Variants in FHOD3 observed in about 807,000 individuals in gnomAD.
FHOD3 encodes the protein formin homology 2 domain containing 3, also known as FH1/FH2 domain-containing protein 3.
In FHOD3, 90 loss-of-function variants were observed where a neutral mutation model predicts 173.0. That is an observed-to-expected ratio of 0.52 (90% CI 0.44 to 0.62). The LOEUF (loss-of-function observed/expected upper bound fraction) is 0.62. Among genes scored for constraint, FHOD3 ranks in the 20% least tolerant of loss-of-function variants. FHOD3 has a pLI of 0.00. For synonymous variants in FHOD3, 828 were observed against 823.0 expected (o/e 1.01, Z -0.10); for missense variants, 1,945 against 2,034.7 (o/e 0.96, Z 0.85).
At position 36,718,666 on chromosome 18, in the gene FHOD3, G is replaced by C. The variant is rs775338957; in HGVS notation, c.3368G>C (p.Arg1123Thr). The C allele has an allele frequency of 6.2e-7, 1 of 1,614,194 alleles. No homozygotes were observed. The highest frequency in any genetic ancestry group is 1.7e-5 in the Admixed American group (1 of 60,022). ...KLEPIKVDTS[R>T]LEHLFESKSK... The stretch of plus-strand genomic sequence containing the variant: ...GAACCCATTAAGGTGGACACTTCCA[G>C]ACTGGAGCACCTGTTTGAGTCTAAA... Residue 1123 changes from arginine to threonine, a missense_variant, in exon 19 of 29, where the codon AGA becomes ACA. Physicochemically the swap from Arg to Thr is moderately conservative, Grantham distance 71 (BLOSUM62 -1). Around this residue, in one of 5 missense-constraint regions of FHOD3, gnomAD observed 231 missense variants for 321.9 expected, o/e 0.72. Transcript: ENST00000590592.
At position 36,693,239 on chromosome 18, in the gene FHOD3, G is replaced by C. The variant is rs1465713940; in HGVS notation, c.2052G>C (p.Glu684Asp). ...AATACTTGGAACAGTTGGCAGCTGAGGAGCACGAGAAGGAGCTGAGAAGCC... is the reference window on the plus strand; with the variant it reads ...AATACTTGGAACAGTTGGCAGCTGACGAGCACGAGAAGGAGCTGAGAAGCC... ...RYKYLEQLAA[E>D]EHEKELRSRS... is the part of the protein sequence containing the mutation. Residue 684 changes from glutamate to aspartate, a missense_variant, in exon 17 of 29, where the codon GAG becomes GAC. Transcript: ENST00000590592. The C allele has an allele frequency of 3.7e-6, 6 of 1,613,670 alleles. No homozygotes were observed. The Admixed American group carries it at 6.7e-5, about 18-fold the overall frequency.
At chr18:36,405,904 A>G (rs1349525770) in intron 3 of FHOD3, among the ~76,000 whole-genome samples, 1 of 152,104 alleles carries the variant, frequency 6.6e-6, no homozygotes, top group Admixed American at 6.5e-5. Context: ...AAAACATGGC[A>G]TTTCAAGTTT....
intron 3 of FHOD3, among the ~76,000 whole-genome samples, chr18:36,378,092 C>T (rs2047537816): frequency 6.6e-6 from 1 of 152,090 alleles, no homozygotes; most frequent in African/African-American, 2.4e-5. Flanking sequence ...TTCTTTGATG[C>T]CAGGATCCTC....
intron 5 of FHOD3, among the ~76,000 whole-genome samples, chr18:36,546,875 A>G (rs925453197): frequency 6.6e-6 from 1 of 152,202 alleles, no homozygotes; most frequent in African/African-American, 2.4e-5. Context: ...TGACTCCCTC[A>G]AATCATCCAT....
At position 36,617,015 on chromosome 18, in the gene FHOD3, G is replaced by T. The variant is rs1568499658; in HGVS notation, c.957+4920G>T. Among the ~76,000 whole-genome samples, 3 of 152,214 alleles carry T rather than the reference G, an allele frequency of 2.0e-5. No homozygotes were observed. In the South Asian group the frequency reaches 6.2e-4, roughly 32 times the overall value. ...ACAAGGTCATCTCACCCAGCAAGGAGCATTTAGTTAGGAAACATCTCTACT... is the reference window on the plus strand; with the variant it reads ...ACAAGGTCATCTCACCCAGCAAGGATCATTTAGTTAGGAAACATCTCTACT... On this transcript the variant is annotated intron_variant, in intron 9 of 28. Coordinates refer to ENST00000590592, the MANE Select transcript of FHOD3 (RefSeq NM_001281740.3).
chr18:36,394,507 C>T (rs1415301054), intron 3 of FHOD3, among the ~76,000 whole-genome samples: 2 of 152,120 alleles, frequency 1.3e-5, no homozygotes, highest in Non-Finnish European at 2.9e-5. Flanking sequence ...GTTTTGAAAA[C>T]CTAGGATTTT....
intron 20 of FHOD3, among the ~76,000 whole-genome samples, chr18:36,732,654 G>C (rs2041426468): frequency 6.6e-6 from 1 of 152,218 alleles, no homozygotes; most frequent in Non-Finnish European, 1.5e-5. Context: ...ACCGGAGCAG[G>C]GGACATGAAG....
chr18:36,328,858 C>T (rs1243605206), intron 1 of FHOD3, among the ~76,000 whole-genome samples: 1 of 152,124 alleles, frequency 6.6e-6, no homozygotes. Context: ...TTTATGGGGA[C>T]AATGAGGACC....
At chr18:36,310,417 G>A (rs1279147868) in intron 1 of FHOD3, among the ~76,000 whole-genome samples, 1 of 152,128 alleles carries the variant, frequency 6.6e-6, no homozygotes, top group African/African-American at 2.4e-5. Flanking sequence ...CGGGTGCAGT[G>A]GCTTATACCT....
intron 24 of FHOD3, 137 bp from the exon 25 acceptor site, chr18:36,754,982 A>C (rs1054500283): frequency 8.3e-5 from 13 of 155,828 alleles, no homozygotes; most frequent in African/African-American, 5.8e-4. Context: ...TTTCTTTATT[A>C]TTATTATTAT....
intron 3 of FHOD3, among the ~76,000 whole-genome samples, chr18:36,500,548 T>C (rs918071451): frequency 3.3e-5 from 5 of 152,250 alleles, no homozygotes; most frequent in Non-Finnish European, 7.3e-5. Flanking sequence ...CTAAACACTT[T>C]AAATGATATT....
chr18:36,369,310 A>G (rs2047047800), intron 2 of FHOD3, among the ~76,000 whole-genome samples: 1 of 152,172 alleles, frequency 6.6e-6, no homozygotes, highest in Non-Finnish European at 1.5e-5. Flanking sequence ...GGCCATATGT[A>G]AAAGAAATAC....
chr18:36,373,961 C>G (rs1357216222), intron 3 of FHOD3, among the ~76,000 whole-genome samples: 2 of 152,170 alleles, frequency 1.3e-5, no homozygotes, highest in African/African-American at 4.8e-5. Flanking sequence ...TAGAACAAAT[C>G]CAGGCACGTA....
chr18:36,391,224 A>G (rs1262051519), intron 3 of FHOD3, among the ~76,000 whole-genome samples: 1 of 152,172 alleles, frequency 6.6e-6, no homozygotes, highest in Non-Finnish European at 1.5e-5. Context: ...GAGACATTCC[A>G]TGGAGGGACC....
chr18:36,588,014 T>G (rs1253454615), intron 6 of FHOD3, among the ~76,000 whole-genome samples: 2 of 152,234 alleles, frequency 1.3e-5, no homozygotes, highest in African/African-American at 4.8e-5. Flanking sequence ...TGACTTCCTG[T>G]TCTGGTGGAT....
At chr18:36,584,011 G>A (rs942657735) in intron 6 of FHOD3, among the ~76,000 whole-genome samples, 2 of 152,058 alleles carry the variant, frequency 1.3e-5, no homozygotes, top group Non-Finnish European at 2.9e-5. Flanking sequence ...TGTTTTGAAT[G>A]GAGATGGGGT....
chr18:36,755,676 T>G (rs1418014435), intron 25 of FHOD3, among the ~76,000 whole-genome samples: 4 of 152,176 alleles, frequency 2.6e-5, no homozygotes, highest in Non-Finnish European at 5.9e-5. Flanking sequence ...ATGCCGCTTA[T>G]CATAGAAAGA....
intron 5 of FHOD3, among the ~76,000 whole-genome samples, chr18:36,537,192 T>G (rs1377608913): frequency 6.6e-6 from 1 of 152,184 alleles, no homozygotes; most frequent in East Asian, 1.9e-4. Context: ...TCCCTGATAA[T>G]TGTATTTTTA....
At chr18:36,389,940 T>A (rs185402378) in intron 3 of FHOD3, among the ~76,000 whole-genome samples, 22 of 152,230 alleles carry the variant, frequency 1.4e-4, no homozygotes, top group Admixed American at 1.1e-3. Context: ...TTCTTAGAAC[T>A]GCCTGGAGCC....
Sources: allele counts gnomAD v4.1 joint callset (sites outside exome capture counted in the v4.1 genomes callset), GRCh38; gene constraint gnomAD v4.1.1; regional missense constraint gnomAD v4.1.1; transcripts MANE v1.5; gene names NCBI Gene and HGNC (gene_info 2026-07-23, HGNC 2026-07-21).